SLC39A12: variants seen among roughly 807,000 people sequenced by gnomAD.
The protein encoded by SLC39A12 is zinc transporter ZIP12.
A neutral mutation model predicts 71.1 loss-of-function variants in SLC39A12; 63 were observed. The observed-to-expected ratio is 0.89, with a 90% CI of 0.72 to 1.09. The LOEUF (loss-of-function observed/expected upper bound fraction) is 1.09, where lower values mean the gene tolerates loss of function less well. Ranked by LOEUF, SLC39A12 falls within the 50% of genes least tolerant of loss-of-function variation. SLC39A12 has a pLI of 0.00. For missense variants in SLC39A12, 892 were observed against 812.6 expected, an observed-to-expected ratio of 1.10 and a Z score of -1.19; for synonymous variants, 351 against 301.3, an observed-to-expected ratio of 1.16 and a Z score of -1.71.
intron 12 of SLC39A12, chr10:18,005,419 G>A (rs1187286674): frequency 6.6e-6 from 1 of 152,166 alleles, no homozygotes; most frequent in Non-Finnish European, 1.5e-5. Context: ...AAGGTAATGT[G>A]TGGAGCACAT....
intron 10 of SLC39A12, among the ~76,000 whole-genome samples, chr10:17,997,514 G>C (rs12252568): frequency 0.014 from 2,078 of 152,120 alleles, 57 homozygotes; most frequent in African/African-American, 0.048. Context: ...TTTGGTTGTG[G>C]TCTTGAAAGA....
At chr10:17,955,999 C>T (rs1263205994) in intron 2 of SLC39A12, among the ~76,000 whole-genome samples, 1 of 152,148 alleles carries the variant, frequency 6.6e-6, no homozygotes, top group Non-Finnish European at 1.5e-5. Flanking sequence ...ACATGTGGAG[C>T]CTCAGCTTCC....
At position 17,961,662 on chromosome 10, in the gene SLC39A12, T is replaced by C; in HGVS notation, c.343T>C (p.Ser115Pro). ...QLREEVVQRV[S>P]LLLLYYIIHQ... is the part of the protein sequence containing the mutation. ...TAGAGAAGAAGTGGTCCAGAGAGTT[T>C]CTCTTCTCCTTCTCTATTACATTAT... The change falls in exon 3 of 13, where the codon TCT (serine) becomes CCT (proline). Residue 115 changes from serine (S) to proline (P), a missense_variant. Transcript: ENST00000377369. 1 of 1,613,904 alleles carries C rather than the reference T, an allele frequency of 6.2e-7. No homozygotes were observed. Among genetic ancestry groups the C allele is most frequent in the Non-Finnish European group, 8.5e-7 (1 of 1,179,792 alleles).
chr10:18,036,494 G>A lies in SLC39A12; in HGVS notation c.1948-6211G>A, dbSNP rs535411022. On this transcript the variant is annotated intron_variant, in intron 12 of 12. Coordinates refer to ENST00000377369, the MANE Select transcript of SLC39A12 (RefSeq NM_001145195.2). ...CGCTTCCCAGATGAGGCAATGCCTC[G>A]CCCTGCTTCGGCTCACGCACGGTGC... Among the ~76,000 whole-genome samples, 13 of 151,910 alleles carry A rather than the reference G, an allele frequency of 8.6e-5. No homozygotes were observed. In the South Asian group the frequency reaches 1.9e-3, roughly 22 times the overall value.
intron 12 of SLC39A12, among the ~76,000 whole-genome samples, chr10:18,016,461 G>T (rs1485863117): frequency 6.6e-6 from 1 of 152,096 alleles, no homozygotes; most frequent in Non-Finnish European, 1.5e-5. Flanking sequence ...TCCAAATTTG[G>T]TTCCTTCCAA....
intron 12 of SLC39A12, among the ~76,000 whole-genome samples, chr10:18,037,279 A>G (rs1440403471): frequency 6.6e-6 from 1 of 152,218 alleles, no homozygotes; most frequent in African/African-American, 2.4e-5. Context: ...TCAAATTTTC[A>G]TGAAGTGCAG....
At chr10:18,026,382 C>T (rs1836678855) in intron 12 of SLC39A12, among the ~76,000 whole-genome samples, 1 of 152,028 alleles carries the variant, frequency 6.6e-6, no homozygotes, top group Admixed American at 6.5e-5. Flanking sequence ...TAGTTCACCC[C>T]CTTCTTGCTT....
In SLC39A12 at chr10:18,000,738, G is replaced by A. The variant is rs779819638; in HGVS notation, c.1672G>A (p.Ala558Thr). Residue 558 changes from alanine to threonine, a missense_variant, in exon 11 of 13, where the codon GCC (alanine) becomes ACC (threonine). By Grantham distance (58) the Ala-to-Thr change is moderately conservative. Coordinates refer to ENST00000377369, the MANE Select transcript of SLC39A12 (RefSeq NM_001145195.2). ...DSLHNFADGLAIGAAFSSSSE... is the reference protein window; with the variant it reads ...DSLHNFADGLTIGAAFSSSSE... ...CCTGCATAATTTTGCAGATGGCCTA[G>A]CCATAGGAGCAGCCTTCTCATCATC... is the stretch of plus-strand genomic sequence containing the variant. 2 of 1,614,132 alleles carry A rather than the reference G, an allele frequency of 1.2e-6. No individual in the cohort carries two copies. Among genetic ancestry groups the A allele is most frequent in the Non-Finnish European group, 1.7e-6 (2 of 1,180,002 alleles).
Position 18,000,694 on chromosome 10 carries a change from T to G in SLC39A12, c.1628T>G (p.Met543Arg). ...AAAGCCATTAGCTTGTTAGCAATCA[T>G]GATTCTGGTTGGGGACAGCCTGCAT... ...KCKAISLLAIMILVGDSLHNF... is the reference protein window; with the variant it reads ...KCKAISLLAIRILVGDSLHNF... The change falls in exon 11 of 13, where the codon ATG (methionine) becomes AGG (arginine). Residue 543 changes from methionine (M) to arginine (R), a missense_variant. Coordinates refer to ENST00000377369, the MANE Select transcript of SLC39A12 (RefSeq NM_001145195.2). 6.2e-7 allele frequency: 1 copy of G among 1,614,212 alleles called. No individual in the cohort carries two copies. The highest frequency in any genetic ancestry group is 8.5e-7 in the Non-Finnish European group (1 of 1,180,032).
intron 12 of SLC39A12, among the ~76,000 whole-genome samples, chr10:18,031,240 T>G (rs1171060941): frequency 6.8e-6 from 1 of 146,008 alleles, no homozygotes; most frequent in Non-Finnish European, 1.5e-5. Context: ...TCCACAATGG[T>G]TGAACTAGTT....
intron 4 of SLC39A12, among the ~76,000 whole-genome samples, chr10:17,970,162 C>T (rs554897916): frequency 1.3e-5 from 2 of 152,226 alleles, no homozygotes; most frequent in African/African-American, 4.8e-5. Context: ...TGTTTTTATG[C>T]CAGTACTTCC....
intron 11 of SLC39A12, among the ~76,000 whole-genome samples, chr10:18,001,343 C>T (rs898234338): frequency 6.6e-6 from 1 of 152,086 alleles, no homozygotes; most frequent in Non-Finnish European, 1.5e-5. Context: ...GGTAAAACCC[C>T]GTCTCTATTA....
In SLC39A12 at chr10:18,032,981, T is replaced by C. The variant is rs1261914515; in HGVS notation, c.1948-9724T>C. 2.0e-5 allele frequency among the ~76,000 whole-genome samples: 3 copies of C among 150,934 alleles called. No individual in the cohort carries two copies. The South Asian group carries it at 6.3e-4, about 32-fold the overall frequency. ...TGATTTGCGTATATTGAACCAGCCT[T>C]GCATCCCAGGGATGAAGCCGACTTG... On this transcript the variant is annotated intron_variant, in intron 12 of 12. Transcript: ENST00000377369.
intron 6 of SLC39A12, among the ~76,000 whole-genome samples, chr10:17,983,427 G>A (rs1835318881): frequency 6.6e-6 from 1 of 152,044 alleles, no homozygotes. Flanking sequence ...GTTCAAGGCT[G>A]TAGTGAGCTA....
intron 6 of SLC39A12, among the ~76,000 whole-genome samples, chr10:17,983,077 G>A (rs1172705379): frequency 1.3e-5 from 2 of 148,170 alleles, no homozygotes; most frequent in African/African-American, 5.0e-5. Flanking sequence ...GTGGGCGGCT[G>A]TAGTCCCAGC....
chr10:18,042,947 T>C lies in SLC39A12; in HGVS notation c.*114T>C. 1 of 785,566 alleles carries C rather than the reference T, an allele frequency of 1.3e-6. No individual in the cohort carries two copies. Among genetic ancestry groups the C allele is most frequent in the South Asian group, 3.2e-5 (1 of 31,686 alleles). 48.7% of individuals were successfully genotyped at this position (785,566 alleles called of 1,614,324 possible). A position where few individuals can be genotyped will look rare whatever the true frequency, so the allele number is the denominator to read the frequency against. ...AATTTTTTATCTTAGGCAAAGTGTG[T>C]CTCTTTCAATTCATTAACTTATTAA... On this transcript the variant is annotated 3_prime_UTR_variant, in exon 13 of 13. Coordinates refer to ENST00000377369, the MANE Select transcript of SLC39A12 (RefSeq NM_001145195.2).
At chr10:18,013,262 T>G (rs982748363) in intron 12 of SLC39A12, among the ~76,000 whole-genome samples, 11 of 151,108 alleles carry the variant, frequency 7.3e-5, no homozygotes, top group Non-Finnish European at 1.0e-4. Context: ...AAACTAAGAA[T>G]TTTAAAGCTT....
chr10:18,001,925 A>ATTTTTTTT (rs56355548), intron 11 of SLC39A12: 1 of 134,196 alleles, frequency 7.5e-6, no homozygotes, highest in Non-Finnish European at 1.6e-5. Context: ...TATTCATTCT[A>ATTTTTTTT]TTTTTTTTTT....
At chr10:18,018,562 A>G (rs1447153033) in intron 12 of SLC39A12, among the ~76,000 whole-genome samples, 1 of 152,154 alleles carries the variant, frequency 6.6e-6, no homozygotes, top group Non-Finnish European at 1.5e-5. Context: ...CTTAATTCCT[A>G]GTTTACTGAG....
Sources: allele counts gnomAD v4.1 joint callset (sites outside exome capture counted in the v4.1 genomes callset), GRCh38; gene constraint gnomAD v4.1.1; transcripts MANE v1.5; gene names NCBI Gene and HGNC (gene_info 2026-07-23, HGNC 2026-07-21).